Variants in GSE1 observed in about 807,000 individuals in gnomAD.
GSE1 encodes the protein genetic suppressor element 1.
GSE1 carries 32 observed loss-of-function variants against 112.6 expected under a neutral mutation model. That is an observed-to-expected ratio of 0.28 (90% confidence interval 0.21 to 0.38). The LOEUF (loss-of-function observed/expected upper bound fraction) is 0.38. GSE1 is among the 10% of genes least tolerant of loss of function. GSE1 has a pLI of 1.00. For synonymous variants in GSE1, 1,115 were observed against 735.6 expected (o/e 1.52, Z -8.35); for missense variants, 2,348 against 1,699.2 (o/e 1.38, Z -6.71).
rs2050510386 is a variant in GSE1 at position 85,477,880 on chromosome 16, C to G, written c.2464+120237C>G. 2.0e-5 allele frequency among the ~76,000 whole-genome samples: 3 copies of G among 152,050 alleles called. No homozygotes were observed. The South Asian group carries it at 6.2e-4, about 31-fold the overall frequency. ...CGGCCTAGGGTTTTGTTTTTTCAAA[C>G]AGCTTTATTGAGATGAAGTTCTCAT... is the stretch of plus-strand genomic sequence containing the variant. On this transcript the variant is annotated intron_variant, in intron 2 of 2. Transcript: ENST00000637419.
At chr16:85,484,360 G>C (rs2050770755) in intron 2 of GSE1, among the ~76,000 whole-genome samples, 1 of 152,236 alleles carries the variant, frequency 6.6e-6, no homozygotes, top group Non-Finnish European at 1.5e-5. Flanking sequence ...TGATCGACAG[G>C]TTCCTTCTGG....
Position 85,205,102 on chromosome 16 carries a change from G to A in GSE1, c.2283+33295G>A, listed in dbSNP as rs888971249. ...CCCTGAAGAGGTGAATGCTGTCATCGTTGTCTCCTTTAATTTTTATTTATT... is the reference window on the plus strand; with the variant it reads ...CCCTGAAGAGGTGAATGCTGTCATCATTGTCTCCTTTAATTTTTATTTATT... On this transcript the variant is annotated intron_variant, in intron 1 of 2. Coordinates refer to the GSE1 transcript ENST00000637419. 1.9e-4 allele frequency among the ~76,000 whole-genome samples: 29 copies of A among 152,140 alleles called. 1 individual carries two copies. The highest frequency in any genetic ancestry group is 7.0e-4 in the African/African-American group (29 of 41,506).
intron 1 of GSE1, among the ~76,000 whole-genome samples, chr16:85,175,339 C>G (rs935402210): frequency 6.6e-6 from 1 of 152,160 alleles, no homozygotes; most frequent in Non-Finnish European, 1.5e-5. Context: ...ACCCCTGCCC[C>G]AAGGACGGAC....
intron 1 of GSE1, among the ~76,000 whole-genome samples, chr16:85,562,649 T>C (rs2045574352): frequency 6.6e-6 from 1 of 152,218 alleles, no homozygotes; most frequent in African/African-American, 2.4e-5. Flanking sequence ...AGGACGTGTC[T>C]GGACTTGGCC....
At chr16:85,495,491 T>G (rs2051145926) in intron 2 of GSE1, among the ~76,000 whole-genome samples, 1 of 147,782 alleles carries the variant, frequency 6.8e-6, no homozygotes, top group Admixed American at 6.7e-5. Flanking sequence ...ATTTATTTAT[T>G]CATTTATGTT....
rs556019088 is a variant in GSE1 at position 85,649,732 on chromosome 16, G to C, written c.426+981G>C. On this transcript the variant is annotated intron_variant, in intron 3 of 15. Coordinates refer to ENST00000253458, the MANE Select transcript of GSE1 (RefSeq NM_014615.5). ...CCTGGACTTTTCTGCTGAGTTCCCAGAGGGACAGCCCCACTTGGAAATACT... is the reference window on the plus strand; with the variant it reads ...CCTGGACTTTTCTGCTGAGTTCCCACAGGGACAGCCCCACTTGGAAATACT... Among the ~76,000 whole-genome samples, 13 of 152,330 alleles carry C rather than the reference G, an allele frequency of 8.5e-5. No individual in the cohort carries two copies. The South Asian group carries it at 2.3e-3, about 27-fold the overall frequency.
intron 2 of GSE1, among the ~76,000 whole-genome samples, chr16:85,480,813 C>T (rs534609883): frequency 9.8e-5 from 15 of 152,320 alleles, no homozygotes; most frequent in African/African-American, 3.6e-4. Flanking sequence ...ATCCCAGCGC[C>T]TGCTCCCTGA....
intron 1 of GSE1, among the ~76,000 whole-genome samples, chr16:85,328,463 C>A (rs1225813660): frequency 6.6e-6 from 1 of 152,240 alleles, no homozygotes; most frequent in African/African-American, 2.4e-5. Flanking sequence ...CGGAGGCCTT[C>A]CCCCGCCCGC....
intron 1 of GSE1, among the ~76,000 whole-genome samples, chr16:85,213,009 T>G (rs1013565620): frequency 9.2e-5 from 14 of 152,096 alleles, no homozygotes; most frequent in Middle Eastern, 6.8e-3. Context: ...GGTGGCTCAC[T>G]CCTGTAATCC....
chr16:85,579,391 C>T (rs1306536805), intron 1 of GSE1, among the ~76,000 whole-genome samples: 1 of 152,220 alleles, frequency 6.6e-6, no homozygotes, highest in African/African-American at 2.4e-5. Context: ...TGGAATCCTT[C>T]TGAAGCCAAC....
At chr16:85,668,536 C>A (rs759119821) in intron 14 of GSE1, 112 bp downstream of exon 14, 10 of 714,844 alleles carry the variant, frequency 1.4e-5, no homozygotes, top group Non-Finnish European at 2.1e-5. Flanking sequence ...GTTTCTCCGT[C>A]CTGGGGCACA....
chr16:85,430,630 C>T (rs144792974), intron 2 of GSE1, among the ~76,000 whole-genome samples: 204 of 152,368 alleles, frequency 1.3e-3, no homozygotes, highest in Middle Eastern at 3.4e-3. Flanking sequence ...CTGCATGGAA[C>T]GGGGACGCCT....
intron 1 of GSE1, among the ~76,000 whole-genome samples, chr16:85,604,597 C>CCG (rs2047602290): frequency 6.7e-6 from 1 of 149,158 alleles, no homozygotes; most frequent in African/African-American, 2.5e-5. Flanking sequence ...CTCTTCCCCC[C>CCG]GTTGATGGTC....
intron 1 of GSE1, among the ~76,000 whole-genome samples, chr16:85,188,119 G>T (rs1020106202): frequency 1.3e-5 from 2 of 152,200 alleles, no homozygotes; most frequent in African/African-American, 2.4e-5. Flanking sequence ...GGAAACCTGC[G>T]AGTGGCTGGA....
At chr16:85,462,460 A>G (rs956970211) in intron 2 of GSE1, among the ~76,000 whole-genome samples, 3 of 151,664 alleles carry the variant, frequency 2.0e-5, no homozygotes, top group Non-Finnish European at 2.9e-5. Context: ...AAAATGCGCC[A>G]GTGCCCAGGT....
chr16:85,419,194 G>A lies in GSE1; in HGVS notation c.2464+61551G>A, dbSNP rs548750657. Among the ~76,000 whole-genome samples the A allele has an allele frequency of 6.6e-6, 1 of 152,326 alleles. No individual in the cohort carries two copies. Among genetic ancestry groups the A allele is most frequent in the South Asian group, 2.1e-4 (1 of 4,818 alleles). Reference sequence around the variant, plus strand: ...CTGGGGATTCTGACAGTCAGAGGCTGCCTTAGTCTCTGCAGGGACAGCAGT... The same window carrying A: ...CTGGGGATTCTGACAGTCAGAGGCTACCTTAGTCTCTGCAGGGACAGCAGT... On this transcript the variant is annotated intron_variant, in intron 2 of 2. Transcript: ENST00000637419. The surrounding 1 kb of genome is among the most constrained non-coding windows in gnomAD (Gnocchi z 6.5).
chr16:85,173,761 C>T (rs925941818), intron 1 of GSE1, among the ~76,000 whole-genome samples: 2 of 152,202 alleles, frequency 1.3e-5, no homozygotes, highest in African/African-American at 4.8e-5. Flanking sequence ...AACAAGAAGC[C>T]GCCGTTTCCC....
At chr16:85,320,666 C>T (rs919841990) in intron 1 of GSE1, among the ~76,000 whole-genome samples, 1 of 151,872 alleles carries the variant, frequency 6.6e-6, no homozygotes, top group Admixed American at 6.6e-5. Flanking sequence ...CTTCCAAGAC[C>T]GTATTTCAAA....
chr16:85,392,049 G>A (rs189401086), intron 2 of GSE1, among the ~76,000 whole-genome samples: 5 of 152,214 alleles, frequency 3.3e-5, no homozygotes, highest in East Asian at 3.9e-4. Context: ...CCTGTTCAAC[G>A]TGGCCCCTGT....
Sources: gnomAD v4.1 joint callset for allele counts (sites outside exome capture counted in the v4.1 genomes callset) on GRCh38, gnomAD v4.1.1 for gene constraint, Gnocchi (gnomAD v3.1) non-coding constraint, MANE v1.5 for transcripts, NCBI Gene and HGNC (gene_info 2026-07-23, HGNC 2026-07-21) for gene names.